GRID2: variants seen among roughly 807,000 people sequenced by gnomAD.
The protein encoded by GRID2 is glutamate receptor ionotropic, delta-2.
GRID2 carries 33 observed loss-of-function variants against 114.8 expected under a neutral mutation model. That is an observed-to-expected ratio of 0.29 (90% CI 0.22 to 0.38). The LOEUF is 0.38. Ranked by LOEUF, GRID2 falls within the 10% of genes least tolerant of loss-of-function variation. The probability of loss-of-function intolerance (pLI) is 1.00; values close to 1 mark genes in which losing one functional copy is unlikely to be tolerated. For synonymous variants in GRID2, 505 were observed against 449.9 expected (o/e 1.12, Z -1.55); for missense variants, 1,184 against 1,257.7 (o/e 0.94, Z 0.89).
At chr4:92,746,775 C>T (rs1051745249) in intron 2 of GRID2, among the ~76,000 whole-genome samples, 1 of 151,976 alleles carries the variant, frequency 6.6e-6, no homozygotes, top group Non-Finnish European at 1.5e-5. Flanking sequence ...CCACTGAGTC[C>T]TAAATCTTTA....
intron 8 of GRID2, among the ~76,000 whole-genome samples, chr4:93,280,749 T>C (rs2149585086): frequency 6.6e-6 from 1 of 152,114 alleles, no homozygotes; most frequent in Non-Finnish European, 1.5e-5. Flanking sequence ...TTAAGAATCT[T>C]GAAGAAAATC....
intron 2 of GRID2, among the ~76,000 whole-genome samples, chr4:92,923,852 G>T (rs1222442461): frequency 6.6e-6 from 1 of 152,058 alleles, no homozygotes; most frequent in African/African-American, 2.4e-5. Context: ...AATTCCTCAG[G>T]GATCTAGAAC....
At chr4:92,444,883 T>C (rs1025576159) in intron 1 of GRID2, among the ~76,000 whole-genome samples, 26 of 152,174 alleles carry the variant, frequency 1.7e-4, no homozygotes, top group Non-Finnish European at 2.8e-4. Context: ...AATAGGTAAA[T>C]ATTTTCTCAA....
intron 14 of GRID2, among the ~76,000 whole-genome samples, chr4:93,705,871 G>A (rs757313981): frequency 3.3e-5 from 5 of 152,106 alleles, no homozygotes; most frequent in Non-Finnish European, 7.4e-5. Context: ...GTCAGAGATA[G>A]GGGTCTAGTT....
chr4:92,712,451 C>T (rs958208721), intron 2 of GRID2, among the ~76,000 whole-genome samples: 4 of 151,970 alleles, frequency 2.6e-5, no homozygotes, highest in African/African-American at 9.7e-5. Flanking sequence ...CAGTTGATGC[C>T]ATAGCAACAC....
intron 2 of GRID2, among the ~76,000 whole-genome samples, chr4:93,034,467 A>G (rs1308247111): frequency 6.6e-6 from 1 of 152,124 alleles, no homozygotes; most frequent in Non-Finnish European, 1.5e-5. Flanking sequence ...ACCTTGCACA[A>G]TACAACGATA....
At chr4:92,650,643 T>C (rs149047582) in intron 2 of GRID2, among the ~76,000 whole-genome samples, 1 of 152,070 alleles carries the variant, frequency 6.6e-6, no homozygotes, top group Non-Finnish European at 1.5e-5. Flanking sequence ...GGAATTATCA[T>C]TGTGTCTCTT....
chr4:93,031,346 A>G (rs538859017), intron 2 of GRID2, among the ~76,000 whole-genome samples: 1 of 152,174 alleles, frequency 6.6e-6, no homozygotes, highest in African/African-American at 2.4e-5. Flanking sequence ...GCCCGGCCGT[A>G]TCATCCACTC....
chr4:93,228,972 T>C (rs1745807571), intron 7 of GRID2, among the ~76,000 whole-genome samples: 1 of 152,176 alleles, frequency 6.6e-6, no homozygotes, highest in Non-Finnish European at 1.5e-5. Flanking sequence ...ATACAATAAT[T>C]ATGAAATTTT....
At chr4:93,664,455 A>G (rs1210100698) in intron 14 of GRID2, among the ~76,000 whole-genome samples, 2 of 152,216 alleles carry the variant, frequency 1.3e-5, no homozygotes, top group Non-Finnish European at 2.9e-5. Flanking sequence ...GACTTGGACC[A>G]TAAGGGCAGC....
intron 1 of GRID2, among the ~76,000 whole-genome samples, chr4:92,428,029 G>C (rs1732243754): frequency 6.6e-6 from 1 of 152,082 alleles, no homozygotes; most frequent in Non-Finnish European, 1.5e-5. Flanking sequence ...TTGGGAGGCT[G>C]AGGCGGGCGG....
chr4:93,519,889 G>T (rs570123062), intron 13 of GRID2, among the ~76,000 whole-genome samples: 1 of 152,198 alleles, frequency 6.6e-6, no homozygotes, highest in South Asian at 2.1e-4. Context: ...TGCTATTACT[G>T]GGGGGAACTC....
intron 8 of GRID2, among the ~76,000 whole-genome samples, chr4:93,325,450 C>A (rs927872738): frequency 1.3e-5 from 2 of 152,012 alleles, no homozygotes; most frequent in African/African-American, 4.8e-5. Flanking sequence ...TTCTTTCTAG[C>A]TGTACATCTC....
At chr4:92,396,826 A>G (rs1292140123) in intron 1 of GRID2, among the ~76,000 whole-genome samples, 3 of 152,076 alleles carry the variant, frequency 2.0e-5, no homozygotes, top group Non-Finnish European at 4.4e-5. Context: ...GATGAATTCT[A>G]AATAAGAAAT....
chr4:92,941,713 C>T (rs1294145290), intron 2 of GRID2, among the ~76,000 whole-genome samples: 3 of 152,026 alleles, frequency 2.0e-5, no homozygotes, highest in Non-Finnish European at 2.9e-5. Flanking sequence ...TTGAGTGCTG[C>T]AAATTTCCCT....
chr4:92,867,790 G>T (rs188564567), intron 2 of GRID2, among the ~76,000 whole-genome samples: 5 of 152,202 alleles, frequency 3.3e-5, no homozygotes, highest in East Asian at 1.9e-4. Flanking sequence ...TAGATATATT[G>T]TTGGGTATGT....
chr4:93,098,473 C>A (rs1000042144), intron 3 of GRID2, among the ~76,000 whole-genome samples: 24 of 151,940 alleles, frequency 1.6e-4, no homozygotes, highest in African/African-American at 5.8e-4. Flanking sequence ...AAGAGTCTTG[C>A]AACTGAAATA....
At chr4:93,475,682 C>T (rs1396103177) in intron 11 of GRID2, among the ~76,000 whole-genome samples, 1 of 152,070 alleles carries the variant, frequency 6.6e-6, no homozygotes, top group African/African-American at 2.4e-5. Context: ...ACTTTGAGAT[C>T]CATTTCACTT....
intron 2 of GRID2, among the ~76,000 whole-genome samples, chr4:92,967,142 A>G (rs1049159036): frequency 2.0e-5 from 3 of 151,946 alleles, no homozygotes; most frequent in African/African-American, 4.8e-5. Flanking sequence ...ATTAGCATTT[A>G]AAATCAGCAT....
Sources: gnomAD v4.1 joint callset for allele counts (sites outside exome capture counted in the v4.1 genomes callset) on GRCh38, gnomAD v4.1.1 for gene constraint, MANE v1.5 for transcripts, NCBI Gene and HGNC (gene_info 2026-07-23, HGNC 2026-07-21) for gene names.